KCNJ6: variants seen among roughly 807,000 people sequenced by gnomAD.
KCNJ6 encodes the protein G protein-activated inward rectifier potassium channel 2.
KCNJ6 carries 9 observed loss-of-function variants against 34.2 expected under a neutral mutation model. The observed-to-expected ratio is 0.26, with a 90% CI of 0.16 to 0.46. The LOEUF (loss-of-function observed/expected upper bound fraction) is 0.46, where lower values mean the gene tolerates loss of function less well. Among genes scored for constraint, KCNJ6 ranks in the 20% least tolerant of loss-of-function variants. KCNJ6 has a pLI of 1.00. For synonymous variants in KCNJ6, 196 were observed against 207.1 expected (o/e 0.95, Z 0.46); for missense variants, 236 against 531.3 (o/e 0.44, Z 5.46).
chr21:37,862,788 C>T (rs913028954), intron 1 of KCNJ6, among the ~76,000 whole-genome samples: 3 of 152,152 alleles, frequency 2.0e-5, no homozygotes, highest in Non-Finnish European at 2.9e-5. Flanking sequence ...AGTCGGTCCC[C>T]TCAACAGCCA....
intron 2 of KCNJ6, among the ~76,000 whole-genome samples, chr21:37,733,577 C>T (rs982527925): frequency 6.6e-6 from 1 of 152,204 alleles, no homozygotes; most frequent in Non-Finnish European, 1.5e-5. Context: ...ATGCTACCAA[C>T]TTCTACCCTG....
At chr21:37,793,904 A>G (rs575387046) in intron 2 of KCNJ6, among the ~76,000 whole-genome samples, 2 of 152,372 alleles carry the variant, frequency 1.3e-5, no homozygotes, top group East Asian at 3.9e-4. Context: ...GGAAGGCAGG[A>G]AATGACACAG....
At chr21:37,641,264 C>T (rs532638016) in intron 3 of KCNJ6, among the ~76,000 whole-genome samples, 4 of 152,078 alleles carry the variant, frequency 2.6e-5, no homozygotes, top group African/African-American at 9.7e-5. Context: ...TAAATAATGG[C>T]TAAATGAGTA....
chr21:37,631,936 G>A (rs2054335558), intron 3 of KCNJ6, among the ~76,000 whole-genome samples: 1 of 152,156 alleles, frequency 6.6e-6, no homozygotes, highest in East Asian at 1.9e-4. Context: ...TGGGAAAGGG[G>A]AATTCCAGGG....
At chr21:37,856,939 G>T (rs1009751457) in intron 1 of KCNJ6, among the ~76,000 whole-genome samples, 1 of 152,140 alleles carries the variant, frequency 6.6e-6, no homozygotes, top group Non-Finnish European at 1.5e-5. Context: ...GCTCTGGTAG[G>T]AGTATCGAAT....
At chr21:37,789,345 TCCAACGAAATTGGTGG>T (rs986847996) in intron 2 of KCNJ6, among the ~76,000 whole-genome samples, 1 of 152,202 alleles carries the variant, frequency 6.6e-6, no homozygotes, top group Non-Finnish European at 1.5e-5. Flanking sequence ...GGGGTCTTAA[TCCAACGAAATTGGTGG>T]CCTTATAAGA....
At chr21:37,889,616 C>A (rs918559878) in intron 1 of KCNJ6, among the ~76,000 whole-genome samples, 1 of 152,146 alleles carries the variant, frequency 6.6e-6, no homozygotes, top group Non-Finnish European at 1.5e-5. Flanking sequence ...AGGCCAGAAG[C>A]CCCAAATCAA....
chr21:37,882,503 C>T (rs976970322), intron 1 of KCNJ6, among the ~76,000 whole-genome samples: 1 of 152,204 alleles, frequency 6.6e-6, no homozygotes, highest in Non-Finnish European at 1.5e-5. Flanking sequence ...TTACACGCAG[C>T]AAATACCAGC....
chr21:37,742,243 T>C (rs1219754593), intron 2 of KCNJ6, among the ~76,000 whole-genome samples: 2 of 152,222 alleles, frequency 1.3e-5, no homozygotes, highest in Admixed American at 6.5e-5. Flanking sequence ...TTGTTTAGCT[T>C]TCTGGAGTGT....
intron 2 of KCNJ6, among the ~76,000 whole-genome samples, chr21:37,810,283 A>G (rs1467969125): frequency 6.6e-6 from 1 of 152,220 alleles, no homozygotes; most frequent in Admixed American, 6.5e-5. Context: ...GAATGATTAT[A>G]CCATAATTAA....
intron 1 of KCNJ6, among the ~76,000 whole-genome samples, chr21:37,853,796 C>G (rs2055548935): frequency 7.2e-6 from 1 of 138,454 alleles, no homozygotes; most frequent in Admixed American, 7.6e-5. Flanking sequence ...CTATGTTTCC[C>G]TTGAATTGGT....
intron 3 of KCNJ6, among the ~76,000 whole-genome samples, chr21:37,687,995 G>A (rs2054623086): frequency 6.6e-6 from 1 of 152,188 alleles, no homozygotes; most frequent in Non-Finnish European, 1.5e-5. Flanking sequence ...TGTTCACTGA[G>A]TCCTACCATC....
intron 1 of KCNJ6, among the ~76,000 whole-genome samples, chr21:37,906,897 AG>A (rs1329168021): frequency 6.6e-6 from 1 of 152,192 alleles, no homozygotes; most frequent in Non-Finnish European, 1.5e-5. Flanking sequence ...AAAATTTAAG[AG>A]GGTGAATATG....
chr21:37,811,149 G>A (rs1218895616), intron 2 of KCNJ6, among the ~76,000 whole-genome samples: 2 of 152,082 alleles, frequency 1.3e-5, no homozygotes, highest in Non-Finnish European at 2.9e-5. Context: ...CTGGGTTGGT[G>A]AACAAGAACA....
rs1015756965 is a variant in KCNJ6 at position 37,622,258 on chromosome 21, T to C, written c.*2901A>G. ...GATACTGTTGTATTAAAAGAGACTT[T>C]TAAAAAATTCTCATTGCACTTGGTT... On this transcript the variant is annotated 3_prime_UTR_variant, in exon 4 of 4. Coordinates refer to ENST00000609713, the MANE Select transcript of KCNJ6 (RefSeq NM_002240.5). 1 of 152,170 alleles carries C rather than the reference T, an allele frequency of 6.6e-6. No individual in the cohort carries two copies. Among genetic ancestry groups the C allele is most frequent in the African/African-American group, 2.4e-5 (1 of 41,422 alleles). 9.4% of individuals were successfully genotyped at this position (152,170 alleles called of 1,614,324 possible). A position where few individuals can be genotyped will look rare whatever the true frequency, so the allele number is the denominator to read the frequency against.
chr21:37,882,360 T>C (rs2055713485), intron 1 of KCNJ6, among the ~76,000 whole-genome samples: 7 of 152,162 alleles, frequency 4.6e-5, no homozygotes, highest in Admixed American at 4.6e-4. Flanking sequence ...GGCTGCTCTA[T>C]TAAAGTTTAG....
chr21:37,795,778 C>T (rs1421459268), intron 2 of KCNJ6, among the ~76,000 whole-genome samples: 1 of 149,422 alleles, frequency 6.7e-6, no homozygotes, highest in East Asian at 1.9e-4. Flanking sequence ...TAGAATGCAA[C>T]CACATTTTTT....
At chr21:37,874,134 C>T (rs945587613) in intron 1 of KCNJ6, among the ~76,000 whole-genome samples, 7 of 152,204 alleles carry the variant, frequency 4.6e-5, no homozygotes, top group African/African-American at 1.4e-4. Context: ...CTGGAAGCTG[C>T]TCCTGTCTGG....
rs1428766768 is a variant in KCNJ6 at position 37,614,486 on chromosome 21, CTG to C, written c.*10671_*10672del. The C allele has an allele frequency of 1.6e-4, 16 of 98,966 alleles. 1 individual carries two copies. The highest frequency in any genetic ancestry group is 6.9e-4 in the African/African-American group (14 of 20,220). 6.1% of individuals were successfully genotyped at this position (98,966 alleles called of 1,614,324 possible). On this transcript the variant is annotated 3_prime_UTR_variant, in exon 4 of 4. Transcript: ENST00000609713. ...TCTGCGTGTGTGTGTATGCATGTGT[CTG>C]TGTGCGTGTATGCATGTGTCTCTGT... is the stretch of plus-strand genomic sequence containing the variant.
Sources: allele counts gnomAD v4.1 joint callset (sites outside exome capture counted in the v4.1 genomes callset), GRCh38; gene constraint gnomAD v4.1.1; transcripts MANE v1.5; gene names NCBI Gene and HGNC (gene_info 2026-07-23, HGNC 2026-07-21).